Variants in MTRF1 observed in about 807,000 individuals in gnomAD.
MTRF1 encodes peptide chain release factor 1, mitochondrial.
A neutral mutation model predicts 62.9 loss-of-function variants in MTRF1; 51 were observed. That is an observed-to-expected ratio of 0.81 (90% confidence interval 0.65 to 1.02). The LOEUF (loss-of-function observed/expected upper bound fraction) is 1.02, where lower values mean the gene tolerates loss of function less well. Ranked by LOEUF, MTRF1 falls within the 50% of genes least tolerant of loss-of-function variation. The pLI, the probability that MTRF1 is intolerant of heterozygous loss-of-function variation, is 0.00. For missense variants in MTRF1, 446 were observed against 530.0 expected (o/e 0.84, Z 1.56); for synonymous variants, 158 against 181.9 (o/e 0.87, Z 1.06).
chr13:41,264,854 C>T (rs1020952169), upstream of MTRF1, among the ~76,000 whole-genome samples: 5 of 152,096 alleles, frequency 3.3e-5, no homozygotes, highest in African/African-American at 1.2e-4. Flanking sequence ...GGCCACCCTG[C>T]TCCAAAAAAG....
chr13:41,278,927 A>G, the MTRF1 span, among the ~76,000 whole-genome samples: 1 of 152,052 alleles, frequency 6.6e-6, no homozygotes, highest in East Asian at 1.9e-4. Context: ...GCCTTGTTAT[A>G]CCCTCCTTCC....
chr13:41,309,451 A>T, the MTRF1 span, among the ~76,000 whole-genome samples: 1 of 150,718 alleles, frequency 6.6e-6, no homozygotes, highest in Non-Finnish European at 1.5e-5. Context: ...CAGCCGCCCA[A>T]AGTGCTGGGA....
chr13:41,241,157 G>T (rs561169537), intron 5 of MTRF1, among the ~76,000 whole-genome samples: 2 of 152,198 alleles, frequency 1.3e-5, no homozygotes, highest in East Asian at 3.9e-4. Context: ...TGATTCTCCT[G>T]CCTCGTTCTC....
At chr13:41,311,511 G>T in the MTRF1 span, 1 of 1,592,668 alleles carries the variant, frequency 6.3e-7, no homozygotes, top group Non-Finnish European at 8.5e-7. Flanking sequence ...CGGCCACCTA[G>T]CCTCCCTGCC....
At chr13:41,253,668 G>A (rs1467779271) in intron 3 of MTRF1, among the ~76,000 whole-genome samples, 1 of 152,210 alleles carries the variant, frequency 6.6e-6, no homozygotes, top group African/African-American at 2.4e-5. Context: ...AAGTACCTAT[G>A]TGTCATGACT....
chr13:41,252,050 T>G (rs1400931710), intron 5 of MTRF1, among the ~76,000 whole-genome samples: 1 of 152,158 alleles, frequency 6.6e-6, no homozygotes, highest in African/African-American at 2.4e-5. Flanking sequence ...CAGTTAATTT[T>G]TGTATTTTTA....
At chr13:41,220,786 CTCT>C (rs2033169799) in intron 9 of MTRF1, 1 of 375,276 alleles carries the variant, frequency 2.7e-6, no homozygotes, top group South Asian at 2.0e-5. Flanking sequence ...GGCCTCTAAC[CTCT>C]TACATGCTTT....
chr13:41,228,925 G>T (rs912755045), intron 7 of MTRF1, among the ~76,000 whole-genome samples: 1 of 152,232 alleles, frequency 6.6e-6, no homozygotes, highest in African/African-American at 2.4e-5. Flanking sequence ...AAGAATGGGA[G>T]AAATGGAAGA....
chr13:41,269,492 C>A, the MTRF1 span, among the ~76,000 whole-genome samples: 96 of 151,928 alleles, frequency 6.3e-4, no homozygotes, highest in African/African-American at 2.2e-3. Flanking sequence ...GCAACCACGC[C>A]CAGCCCTTTT....
chr13:41,260,984 A>G (rs1430467653), intron 1 of MTRF1, 69 bp from the exon 2 acceptor site: 3 of 1,350,090 alleles, frequency 2.2e-6, no homozygotes, highest in African/African-American at 3.0e-5. Flanking sequence ...TAAACCTGGA[A>G]GGAACATCAA....
the MTRF1 span, among the ~76,000 whole-genome samples, chr13:41,273,250 C>T: frequency 7.1e-4 from 107 of 151,014 alleles, no homozygotes; most frequent in African/African-American, 1.7e-3. Context: ...GGCATGAACC[C>T]GGGTGGCGGA....
At chr13:41,280,779 T>C in the MTRF1 span, among the ~76,000 whole-genome samples, 6 of 152,190 alleles carry the variant, frequency 3.9e-5, no homozygotes, top group African/African-American at 1.4e-4. Context: ...TTGACTCTTT[T>C]TATTGACACC....
chr13:41,263,781 C>A (rs1406741892), upstream of MTRF1, among the ~76,000 whole-genome samples: 2 of 151,374 alleles, frequency 1.3e-5, no homozygotes, highest in East Asian at 3.9e-4. Context: ...AGAGCGTGAG[C>A]CCAGAGCGGG....
intron 5 of MTRF1, among the ~76,000 whole-genome samples, chr13:41,241,890 T>A (rs527557299): frequency 6.6e-6 from 1 of 152,350 alleles, no homozygotes; most frequent in African/African-American, 2.4e-5. Flanking sequence ...GTATACGGTG[T>A]CTGGATGTCT....
the MTRF1 span, among the ~76,000 whole-genome samples, chr13:41,277,352 G>A: frequency 2.0e-5 from 3 of 151,874 alleles, no homozygotes; most frequent in Non-Finnish European, 2.9e-5. Flanking sequence ...GACTGGTCTC[G>A]AACTCCTGAG....
chr13:41,263,244 C>G, intron 1 of MTRF1: 1 of 1,286,910 alleles, frequency 7.8e-7, no homozygotes, highest in Non-Finnish European at 1.0e-6. Flanking sequence ...CAAAACAAAA[C>G]AAGATGTTTA....
chr13:41,277,032 A>G, the MTRF1 span, among the ~76,000 whole-genome samples: 1 of 152,012 alleles, frequency 6.6e-6, no homozygotes, highest in Admixed American at 6.6e-5. Flanking sequence ...CCCTCTAACT[A>G]ACTTTGAAAA....
At chr13:41,311,823 G>T in the MTRF1 span, among the ~76,000 whole-genome samples, 9 of 152,190 alleles carry the variant, frequency 5.9e-5, no homozygotes, top group African/African-American at 2.2e-4. Flanking sequence ...CCCCCGCCGC[G>T]CTCTTTCCAG....
At chr13:41,305,390 C>A in the MTRF1 span, among the ~76,000 whole-genome samples, 1 of 152,174 alleles carries the variant, frequency 6.6e-6, no homozygotes, top group South Asian at 2.1e-4. Context: ...ATCATCAGAT[C>A]ATGTAACTTG....
Sources: allele counts gnomAD v4.1 joint callset (sites outside exome capture counted in the v4.1 genomes callset), GRCh38; gene constraint gnomAD v4.1.1; transcripts MANE v1.5; gene names NCBI Gene and HGNC (gene_info 2026-07-23, HGNC 2026-07-21).